RAB3GAP1: variants seen among roughly 807,000 people sequenced by gnomAD.
RAB3GAP1 encodes the protein rab3 GTPase-activating protein catalytic subunit.
RAB3GAP1 carries 86 observed loss-of-function variants against 130.7 expected under a neutral mutation model. The ratio of observed to expected loss-of-function variants is 0.66; its 90% CI spans 0.55 to 0.79. The LOEUF (loss-of-function observed/expected upper bound fraction) is 0.79, where lower values mean the gene tolerates loss of function less well. Ranked by LOEUF, RAB3GAP1 falls within the 30% of genes least tolerant of loss-of-function variation. The probability of loss-of-function intolerance (pLI) is 0.00; values close to 1 mark genes in which losing one functional copy is unlikely to be tolerated. For synonymous variants in RAB3GAP1, 367 were observed against 401.7 expected (o/e 0.91, Z 1.03); for missense variants, 1,029 against 1,169.4 (o/e 0.88, Z 1.75).
rs1212233528 is a variant in RAB3GAP1, at chr2:135,126,598, T to C, written c.915T>C (p.Ile305=). The C allele has an allele frequency of 3.7e-6, 6 of 1,612,544 alleles. No individual in the cohort carries two copies. The highest frequency in any genetic ancestry group is 1.7e-5 in the Admixed American group (1 of 60,010). Residue 305 remains isoleucine, a synonymous_variant, in exon 11 of 24, where the codon ATT becomes ATC. Coordinates refer to ENST00000264158, the MANE Select transcript of RAB3GAP1 (RefSeq NM_012233.3). ...TGCATTTTAGTGATTTGGATCCTAT[T>C]CAAGCTCCACATTGGTCTGTTAGAG... The part of the protein sequence containing the change: ...DNDVYSDLDP[I]QAPHWSVRVR...
Position 135,169,022 on chromosome 2 carries a change from A to G in RAB3GAP1, c.*241A>G. The G allele has an allele frequency of 2.6e-5, 6 of 229,746 alleles. No homozygotes were observed. Among genetic ancestry groups the G allele is most frequent in the Non-Finnish European group, 3.9e-5 (5 of 128,398 alleles). 14.2% of individuals were successfully genotyped at this position (229,746 alleles called of 1,614,324 possible). On this transcript the variant is annotated 3_prime_UTR_variant, in exon 24 of 24. Transcript: ENST00000264158. Reference sequence around the variant, plus strand: ...TTTCTGCCCTAGAGATGGCCTTTGTATATGGGGGGGTGGTGGGGGGACACA... The same window carrying G: ...TTTCTGCCCTAGAGATGGCCTTTGTGTATGGGGGGGTGGTGGGGGGACACA...
rs543243535 is a variant in RAB3GAP1, at chr2:135,059,833, G to T, written c.150+1747G>T. On this transcript the variant is annotated intron_variant, in intron 3 of 23. Coordinates refer to ENST00000264158, the MANE Select transcript of RAB3GAP1 (RefSeq NM_012233.3). ...GTCTGTTTCTCCCTACTAGATAGTA[G>T]TACATAAATAAGATACAGAAAATAT... Among the ~76,000 whole-genome samples the T allele has an allele frequency of 9.1e-4, 138 of 152,190 alleles. 1 individual carries two copies. The highest frequency in any genetic ancestry group is 3.0e-3 in the African/African-American group (124 of 41,530).
rs868661519 is a variant in RAB3GAP1 at position 135,169,739 on chromosome 2, A to T, written c.*958A>T. The stretch of plus-strand genomic sequence containing the variant: ...ATTTTGCTTTTGTATTTTAGTTAAA[A>T]TAATCGATGGGGATGTGTAGCCCCC... On this transcript the variant is annotated 3_prime_UTR_variant, in exon 24 of 24. Transcript: ENST00000264158. The T allele has an allele frequency of 4.2e-5, 19 of 456,216 alleles. No homozygotes were observed. The highest frequency in any genetic ancestry group is 3.2e-4 in the Middle Eastern group (1 of 3,092). The allele number at this position is 456,216 out of a possible 1,614,324, so 28.3% of individuals were successfully genotyped here.
At chr2:135,124,851 AAAAAT>A (rs1346730619) in intron 9 of RAB3GAP1, among the ~76,000 whole-genome samples, 3 of 152,216 alleles carry the variant, frequency 2.0e-5, no homozygotes, top group African/African-American at 7.2e-5. Context: ...ATGAAAGAAA[AAAAAT>A]AAAATAGAGA....
At chr2:135,061,003 CTTTT>C (rs369829961) in intron 3 of RAB3GAP1, among the ~76,000 whole-genome samples, 1 of 131,110 alleles carries the variant, frequency 7.6e-6, no homozygotes, top group Non-Finnish European at 1.6e-5. Flanking sequence ...TGGGCCCAGC[CTTTT>C]TTTTTTTTTT....
chr2:135,154,022 A>G, intron 19 of RAB3GAP1, 146 bp downstream of exon 19: 1 of 781,072 alleles, frequency 1.3e-6, no homozygotes, highest in Non-Finnish European at 2.1e-6. Context: ...TCTACTATTC[A>G]CATTTAAGAT....
Position 135,070,577 on chromosome 2 carries a change from G to A in RAB3GAP1, c.150+12491G>A, listed in dbSNP as rs138281523. Among the ~76,000 whole-genome samples the A allele has an allele frequency of 5.1e-4, 78 of 151,818 alleles. 2 individuals carry two copies. In the East Asian group the frequency reaches 0.014, roughly 26 times the overall value. The stretch of plus-strand genomic sequence containing the variant: ...AGCTGGAGTGCAGTGGCGCAATCTC[G>A]GCTCACTGCAACCTCTGCCTCCCAG... On this transcript the variant is annotated intron_variant, in intron 3 of 23. Transcript: ENST00000264158.
intron 3 of RAB3GAP1, among the ~76,000 whole-genome samples, chr2:135,064,232 T>C (rs1689255383): frequency 6.6e-6 from 1 of 152,154 alleles, no homozygotes; most frequent in Non-Finnish European, 1.5e-5. Flanking sequence ...ATTTTTGTTT[T>C]TCACCACATT....
At chr2:135,138,342 C>T (rs983435749) in intron 17 of RAB3GAP1, among the ~76,000 whole-genome samples, 6 of 150,868 alleles carry the variant, frequency 4.0e-5, no homozygotes, top group African/African-American at 9.8e-5. Flanking sequence ...CCCAGCTACT[C>T]GGGAGGCTGA....
chr2:135,053,499 T>G (rs1394062204), intron 2 of RAB3GAP1, among the ~76,000 whole-genome samples: 1 of 152,242 alleles, frequency 6.6e-6, no homozygotes, highest in African/African-American at 2.4e-5. Flanking sequence ...CCCTTCAGTT[T>G]CCTGGGTGTT....
chr2:135,120,492 TC>T (rs1307132035), intron 7 of RAB3GAP1, among the ~76,000 whole-genome samples: 1 of 152,246 alleles, frequency 6.6e-6, no homozygotes, highest in African/African-American at 2.4e-5. Flanking sequence ...CCACTGCTGT[TC>T]CTTACTATGG....
At position 135,072,713 on chromosome 2, in the gene RAB3GAP1, A is replaced by G. The variant is rs377275794; in HGVS notation, c.150+14627A>G. 7.4e-4 allele frequency among the ~76,000 whole-genome samples: 113 copies of G among 152,348 alleles called. 1 individual carries two copies. The highest frequency in any genetic ancestry group is 2.3e-3 in the African/African-American group (96 of 41,584). ...TTTTACTTTAGGACAAGAAATTACC[A>G]TACAAGATCCTTTCTCATATAAAGT... On this transcript the variant is annotated intron_variant, in intron 3 of 23. Coordinates refer to ENST00000264158, the MANE Select transcript of RAB3GAP1 (RefSeq NM_012233.3).
intron 7 of RAB3GAP1, among the ~76,000 whole-genome samples, chr2:135,117,409 T>TTTCTTCTTCTTCTTCTTCTTC (rs764864449): frequency 0.013 from 1,348 of 100,092 alleles, 33 homozygotes; most frequent in African/African-American, 0.025. Flanking sequence ...CAATACTTTA[T>TTTCTTCTTCTTCTTCTTCTTC]TTCTTCTTCT....
intron 3 of RAB3GAP1, among the ~76,000 whole-genome samples, chr2:135,085,810 C>T (rs971858570): frequency 8.5e-5 from 13 of 152,066 alleles, no homozygotes; most frequent in Non-Finnish European, 1.5e-4. Flanking sequence ...TTATACACAG[C>T]GAAGTTTACA....
At chr2:135,146,473 A>G (rs1270122248) in intron 17 of RAB3GAP1, among the ~76,000 whole-genome samples, 1 of 152,024 alleles carries the variant, frequency 6.6e-6, no homozygotes, top group African/African-American at 2.4e-5. Context: ...AGGCCTCCCA[A>G]ACTGCTGGGA....
chr2:135,147,000 G>A (rs1692016171), intron 17 of RAB3GAP1, among the ~76,000 whole-genome samples: 1 of 141,690 alleles, frequency 7.1e-6, no homozygotes. Flanking sequence ...ACACACACAC[G>A]AAAATTTATC....
In RAB3GAP1 at chr2:135,147,112, G is replaced by A. The variant is rs771246335; in HGVS notation, c.1924-3257G>A. Reference sequence around the variant, plus strand: ...TGTAATCCTAGCACTCTGAGAGGCCGAGGCAGGTGGATCACCTGAGGTCAG... The same window carrying A: ...TGTAATCCTAGCACTCTGAGAGGCCAAGGCAGGTGGATCACCTGAGGTCAG... On this transcript the variant is annotated intron_variant, in intron 17 of 23. Transcript: ENST00000264158. Among the ~76,000 whole-genome samples, 5 of 152,084 alleles carry A rather than the reference G, an allele frequency of 3.3e-5. 1 individual carries two copies. The South Asian group carries it at 6.2e-4, about 19-fold the overall frequency.
intron 5 of RAB3GAP1, among the ~76,000 whole-genome samples, chr2:135,104,449 A>C (rs1228993889): frequency 6.6e-6 from 1 of 152,218 alleles, no homozygotes. Context: ...TTTAGCAATA[A>C]CATCAAAATA....
intron 2 of RAB3GAP1, 83 bp from the exon 3 acceptor site, chr2:135,057,928 A>G (rs1689060107): frequency 1.9e-6 from 2 of 1,040,228 alleles, no homozygotes; most frequent in East Asian, 5.2e-5. Context: ...TTAAAATATA[A>G]AAAATACCTT....
Sources: gnomAD v4.1 joint callset for allele counts (sites outside exome capture counted in the v4.1 genomes callset) on GRCh38, gnomAD v4.1.1 for gene constraint, MANE v1.5 for transcripts, NCBI Gene and HGNC (gene_info 2026-07-23, HGNC 2026-07-21) for gene names.